The following FMN2 variants were observed in gnomAD, a reference collection of about 807,000 sequenced individuals.
FMN2 encodes the protein formin 2.
Under a neutral mutation model 142.3 loss-of-function variants are expected in FMN2, and 51 were observed. That is an observed-to-expected ratio of 0.36 (90% confidence interval 0.29 to 0.45). The LOEUF is 0.45. Ranked by LOEUF, FMN2 falls within the 20% of genes least tolerant of loss-of-function variation. FMN2 has a pLI of 1.00. For synonymous variants in FMN2, 882 were observed against 869.8 expected (o/e 1.01, Z -0.25); for missense variants, 1,936 against 2,122.8 (o/e 0.91, Z 1.73).
rs192992472 is a variant in FMN2 at position 240,410,840 on chromosome 1, A to C, written c.4910+18278A>C. Among the ~76,000 whole-genome samples, 29 of 152,264 alleles carry C rather than the reference A, an allele frequency of 1.9e-4. No individual in the cohort carries two copies. The East Asian group carries it at 3.9e-3, about 20-fold the overall frequency. On this transcript the variant is annotated intron_variant, in intron 15 of 17. Transcript: ENST00000319653. ...AGTTGTAAGTGTAGACATAGTTGCAAAAGTCAATTAGTACCACAAGGCTGA... is the reference window on the plus strand; with the variant it reads ...AGTTGTAAGTGTAGACATAGTTGCACAAGTCAATTAGTACCACAAGGCTGA...
intron 16 of FMN2, among the ~76,000 whole-genome samples, chr1:240,446,187 G>A (rs1465997721): frequency 6.6e-6 from 1 of 152,192 alleles, no homozygotes; most frequent in Non-Finnish European, 1.5e-5. Context: ...GTGAAGATTA[G>A]CTGGGAAAGG....
In FMN2 at chr1:240,241,825, CTTTTTTTTTTTTTTTTTTTT is replaced by C. The variant is rs71567282; in HGVS notation, c.4066-16110_4066-16091del. Among the ~76,000 whole-genome samples the C allele has an allele frequency of 1.7e-3, 167 of 96,250 alleles. 4 individuals carry two copies. The highest frequency in any genetic ancestry group is 6.1e-3 in the African/African-American group (162 of 26,344). 63.1% of individuals were successfully genotyped at this position (96,250 alleles called of 152,430 possible). On this transcript the variant is annotated intron_variant, in intron 6 of 17. Coordinates refer to ENST00000319653, the MANE Select transcript of FMN2 (RefSeq NM_020066.5). ...ATTTTCTTTATTTTAGTGTGCCTTG[CTTTTTTTTTTTTTTTTTTTT>C]TTTTTTTTTGAGACGGAGTCTCGCT... is the stretch of plus-strand genomic sequence containing the variant.
intron 2 of FMN2, among the ~76,000 whole-genome samples, chr1:240,156,227 G>A (rs957393996): frequency 1.3e-5 from 2 of 152,106 alleles, no homozygotes; most frequent in African/African-American, 4.8e-5. Flanking sequence ...TCTAGCCTGA[G>A]CAACAGAGTA....
At chr1:240,157,067 T>A (rs1664054557) in intron 2 of FMN2, among the ~76,000 whole-genome samples, 1 of 152,200 alleles carries the variant, frequency 6.6e-6, no homozygotes, top group South Asian at 2.1e-4. Context: ...TTCTTAGCAA[T>A]AAAAGGCATT....
intron 3 of FMN2, among the ~76,000 whole-genome samples, chr1:240,183,469 G>A (rs934302264): frequency 6.8e-6 from 1 of 147,030 alleles, no homozygotes; most frequent in Admixed American, 6.8e-5. Context: ...TATATAAATT[G>A]AATATATATT....
intron 8 of FMN2, among the ~76,000 whole-genome samples, chr1:240,306,280 C>T (rs924995015): frequency 2.0e-5 from 3 of 151,988 alleles, no homozygotes; most frequent in Admixed American, 2.0e-4. Flanking sequence ...TTTTAAAATC[C>T]ATTTTAATTT....
Position 240,474,248 on chromosome 1 carries a change from CAT to C in FMN2, c.*95_*96del. The C allele has an allele frequency of 1.4e-5, 16 of 1,161,778 alleles. No homozygotes were observed. The highest frequency in any genetic ancestry group is 4.9e-5 in the South Asian group (3 of 61,344). 72.0% of individuals were successfully genotyped at this position (1,161,778 alleles called of 1,614,324 possible). On this transcript the variant is annotated 3_prime_UTR_variant, in exon 18 of 18. Coordinates refer to ENST00000319653, the MANE Select transcript of FMN2 (RefSeq NM_020066.5). ...GGAGGGAAACTACCGTCATTCTGCT[CAT>C]GTTTCTTCTTGACCTCTTGCATAAT...
At chr1:240,202,502 GT>G (rs1185125483) in intron 4 of FMN2, among the ~76,000 whole-genome samples, 2 of 152,026 alleles carry the variant, frequency 1.3e-5, no homozygotes, top group Non-Finnish European at 2.9e-5. Context: ...TACTATTGTT[GT>G]TTTTTATATT....
intron 5 of FMN2, 89 bp downstream of exon 5, chr1:240,208,821 G>A (rs929660836): frequency 1.4e-6 from 2 of 1,468,336 alleles, no homozygotes; most frequent in South Asian, 1.4e-5. Flanking sequence ...ACTGTTGAAT[G>A]TATTTTTAAG....
chr1:240,437,652 T>C (rs1675444438), intron 15 of FMN2, among the ~76,000 whole-genome samples: 1 of 152,130 alleles, frequency 6.6e-6, no homozygotes, highest in African/African-American at 2.4e-5. Flanking sequence ...AAATAGTGTA[T>C]AAGCAATATA....
intron 6 of FMN2, among the ~76,000 whole-genome samples, chr1:240,220,824 G>A (rs891259428): frequency 5.3e-5 from 8 of 152,022 alleles, no homozygotes; most frequent in East Asian, 1.9e-4. Flanking sequence ...CCATCAACCC[G>A]TCATCTACAT....
At chr1:240,141,802 TAGGAC>T (rs1262467170) in intron 2 of FMN2, among the ~76,000 whole-genome samples, 2 of 152,152 alleles carry the variant, frequency 1.3e-5, no homozygotes, top group Non-Finnish European at 2.9e-5. Flanking sequence ...TATTTACTCT[TAGGAC>T]AGGAGAGAAT....
In FMN2 at chr1:240,266,615, A is replaced by G. The variant is rs1325793361; in HGVS notation, c.4153+8583A>G. Among the ~76,000 whole-genome samples, 10 of 152,184 alleles carry G rather than the reference A, an allele frequency of 6.6e-5. No homozygotes were observed. The East Asian group carries it at 1.9e-3, about 29-fold the overall frequency. ...GTTTTCCTTATCCAGGCCACCATTG[A>G]TGCACACCTAGGTTGATTCTAAATC... is the stretch of plus-strand genomic sequence containing the variant. On this transcript the variant is annotated intron_variant, in intron 7 of 17. Transcript: ENST00000319653.
chr1:240,345,283 C>T (rs1026927063), intron 13 of FMN2, among the ~76,000 whole-genome samples: 1 of 152,148 alleles, frequency 6.6e-6, no homozygotes, highest in Non-Finnish European at 1.5e-5. Flanking sequence ...ATGTCAATAA[C>T]TTTTCAAATC....
At chr1:240,355,551 T>A in intron 13 of FMN2, among the ~76,000 whole-genome samples, 1 of 152,056 alleles carries the variant, frequency 6.6e-6, no homozygotes, top group African/African-American at 2.4e-5. Flanking sequence ...GATTTAGAGG[T>A]TATATAACAT....
intron 16 of FMN2, among the ~76,000 whole-genome samples, chr1:240,439,493 C>A (rs16840010): frequency 0.026 from 3,940 of 152,138 alleles, 167 homozygotes; most frequent in African/African-American, 0.089. Context: ...GCCAGACTTG[C>A]GCTTACTCCT....
chr1:240,119,828 G>C (rs1571946491), intron 1 of FMN2, among the ~76,000 whole-genome samples: 1 of 152,300 alleles, frequency 6.6e-6, no homozygotes, highest in East Asian at 1.9e-4. Context: ...AGATCCTGCT[G>C]ACCTTATTTT....
intron 2 of FMN2, among the ~76,000 whole-genome samples, chr1:240,137,768 C>T (rs904429440): frequency 1.3e-5 from 2 of 151,928 alleles, no homozygotes; most frequent in Non-Finnish European, 2.9e-5. Flanking sequence ...GCCCAGTGTA[C>T]AGGAGGAGGA....
intron 2 of FMN2, among the ~76,000 whole-genome samples, chr1:240,159,998 C>T (rs1558328778): frequency 6.9e-6 from 1 of 145,200 alleles, no homozygotes; most frequent in African/African-American, 2.5e-5. Flanking sequence ...CACACACACA[C>T]ATACACACAT....
Sources: allele counts gnomAD v4.1 joint callset (sites outside exome capture counted in the v4.1 genomes callset), GRCh38; gene constraint gnomAD v4.1.1; transcripts MANE v1.5; gene names NCBI Gene and HGNC (gene_info 2026-07-23, HGNC 2026-07-21).